Variants in IL15RA observed in about 807,000 individuals in gnomAD.
IL15RA encodes the protein interleukin 15 receptor subunit alpha, also known as interleukin-15 receptor subunit alpha.
Under a neutral mutation model 24.2 loss-of-function variants are expected in IL15RA, and 26 were observed. The observed-to-expected ratio is 1.07, with a 90% CI of 0.79 to 1.49. The LOEUF is 1.49. Ranked by LOEUF, IL15RA falls within the 40% of genes most tolerant of loss-of-function variation. The probability of loss-of-function intolerance (pLI) is 0.00; values close to 1 mark genes in which losing one functional copy is unlikely to be tolerated. For synonymous variants in IL15RA, 166 were observed against 157.6 expected, an observed-to-expected ratio of 1.05 and a Z score of -0.40; for missense variants, 354 against 356.4, an observed-to-expected ratio of 0.99 and a Z score of 0.05.
upstream of IL15RA, chr10:5,977,717 C>T: frequency 8.9e-7 from 1 of 1,121,376 alleles, no homozygotes; most frequent in South Asian, 4.1e-5. Flanking sequence ...CGCGGCACCG[C>T]ACAGCCACCC....
rs2132339298 is a variant in IL15RA at position 5,958,796 on chromosome 10, G to A, written c.616+958C>T. ...GGTAAAAATGACACCACAAAAATATGAGTCATTCTCTAGCAGAAAAATTTA... is the reference window on the plus strand; with the variant it reads ...GGTAAAAATGACACCACAAAAATATAAGTCATTCTCTAGCAGAAAAATTTA... On this transcript the variant is annotated intron_variant, in intron 5 of 6. Transcript: ENST00000379977. This position sits in a 1 kb window ranked among gnomAD's most constrained non-coding sequence, Gnocchi z 4.3. Among the ~76,000 whole-genome samples the A allele has an allele frequency of 6.6e-6, 1 of 152,316 alleles. No individual in the cohort carries two copies. The highest frequency in any genetic ancestry group is 2.4e-5 in the African/African-American group (1 of 41,566).
rs1230633746 is a variant in IL15RA, at chr10:5,953,723, A to G, written c.693-517T>C. On this transcript the variant is annotated intron_variant, in intron 6 of 6. Transcript: ENST00000379977. This position sits in a 1 kb window ranked among gnomAD's most constrained non-coding sequence, Gnocchi z 5.3. ...AACCAGAGTTGATCATCTTGAAAAA[A>G]GTGATTTAATATTCATGAAGCTTTT... The G allele has an allele frequency of 4.1e-6, 1 of 245,248 alleles. No homozygotes were observed. The allele number at this position is 245,248 out of a possible 1,614,324, so 15.2% of individuals were successfully genotyped here.
At chr10:5,969,829 A>G (rs918594798) in intron 1 of IL15RA, among the ~76,000 whole-genome samples, 1 of 152,086 alleles carries the variant, frequency 6.6e-6, no homozygotes, top group African/African-American at 2.4e-5. Context: ...GATTTATTTA[A>G]GAATTCTGCA....
At chr10:5,956,515 A>C in intron 5 of IL15RA, 61 bp from the exon 6 acceptor site, 1 of 1,234,170 alleles carries the variant, frequency 8.1e-7, no homozygotes, top group Admixed American at 1.8e-5. Flanking sequence ...CGAACCACAA[A>C]TTCTTTACCA....
chr10:5,974,943 T>C (rs1016205543), intron 1 of IL15RA, among the ~76,000 whole-genome samples: 24 of 150,864 alleles, frequency 1.6e-4, no homozygotes, highest in Non-Finnish European at 8.9e-5. Flanking sequence ...ATTAAACACC[T>C]GAGAGGTCAA....
At position 5,958,277 on chromosome 10, in the gene IL15RA, T is replaced by C. The variant is rs571160140; in HGVS notation, c.616+1477A>G. On this transcript the variant is annotated intron_variant, in intron 5 of 6. Coordinates refer to ENST00000379977, the MANE Select transcript of IL15RA (RefSeq NM_002189.4). This position sits in a 1 kb window ranked among gnomAD's most constrained non-coding sequence, Gnocchi z 4.3. ...AAAGAAGCAACTGTCCAGCATTCCT[T>C]ATCCTCTATATGTTTATTTATACAG... 1.0e-4 allele frequency: 47 copies of C among 453,194 alleles called. No individual in the cohort carries two copies. Among genetic ancestry groups the C allele is most frequent in the African/African-American group, 3.2e-4 (16 of 50,138 alleles). The allele number at this position is 453,194 out of a possible 1,614,324, so 28.1% of individuals were successfully genotyped here.
At position 5,953,451 on chromosome 10, in the gene IL15RA, C is replaced by A. The variant is rs2132247157; in HGVS notation, c.693-245G>T. 7.4e-6 allele frequency: 5 copies of A among 678,290 alleles called. No individual in the cohort carries two copies. The highest frequency in any genetic ancestry group is 2.7e-5 in the East Asian group (1 of 36,982). 42.0% of individuals were successfully genotyped at this position (678,290 alleles called of 1,614,324 possible). ...GGTGTGGTGGCGCATGCCTGTAATC[C>A]TAGCACTTTAGGAGGCTGTCGTGGG... On this transcript the variant is annotated intron_variant, in intron 6 of 6. Coordinates refer to ENST00000379977, the MANE Select transcript of IL15RA (RefSeq NM_002189.4). This position sits in a 1 kb window ranked among gnomAD's most constrained non-coding sequence, Gnocchi z 5.3.
intron 6 of IL15RA, among the ~76,000 whole-genome samples, chr10:5,954,206 C>G (rs1834201188): frequency 7.1e-6 from 1 of 140,286 alleles, no homozygotes; most frequent in African/African-American, 2.7e-5. Flanking sequence ...GGTTCTTGCT[C>G]TGTCTCCCAG....
rs8177664 is a variant in IL15RA, at chr10:5,971,342, T to A, written c.89-5003A>T. Among the ~76,000 whole-genome samples the A allele has an allele frequency of 0.1, 15,159 of 152,254 alleles. 947 individuals are homozygous for A. The highest frequency in any genetic ancestry group is 0.27 in the East Asian group (1,378 of 5,184). ...GCCAAAAAACATATACAACAAGTCCTAACGATCATTTAAATGAAGTCACCA... is the reference window on the plus strand; with the variant it reads ...GCCAAAAAACATATACAACAAGTCCAAACGATCATTTAAATGAAGTCACCA... On this transcript the variant is annotated intron_variant, in intron 1 of 6. Coordinates refer to ENST00000379977, the MANE Select transcript of IL15RA (RefSeq NM_002189.4). The surrounding 1 kb of genome is among the most constrained non-coding windows in gnomAD (Gnocchi z 5.5).
Position 5,973,933 on chromosome 10 carries a change from G to A in IL15RA, c.88+3472C>T, listed in dbSNP as rs978030283. Among the ~76,000 whole-genome samples, 6 of 151,802 alleles carry A rather than the reference G, an allele frequency of 4.0e-5. No homozygotes were observed. The East Asian group carries it at 9.7e-4, about 24-fold the overall frequency. On this transcript the variant is annotated intron_variant, in intron 1 of 6. Transcript: ENST00000379977. This position sits in a 1 kb window ranked among gnomAD's most constrained non-coding sequence, Gnocchi z 4.5. ...AAATCATATACCTGATTAGGGCCTCGTATCCAGAATATATAAAGAACTCTC... is the reference window on the plus strand; with the variant it reads ...AAATCATATACCTGATTAGGGCCTCATATCCAGAATATATAAAGAACTCTC...
In IL15RA at chr10:5,960,371, C is replaced by G. The variant is rs150566735; in HGVS notation, c.579G>C (p.Pro193=). 1.9e-6 allele frequency: 3 copies of G among 1,613,792 alleles called. No individual in the cohort carries two copies. In the South Asian group the frequency reaches 3.3e-5, roughly 18 times the overall value. The change falls in exon 4 of 7, where the codon CCG becomes CCC. Residue 193 remains proline (P), a synonymous_variant. Transcript: ENST00000379977. The surrounding 1 kb of genome is among the most constrained non-coding windows in gnomAD (Gnocchi z 5.1). The stretch of plus-strand genomic sequence containing the variant: ...TGGGGCAAAGCGAGTGCTAACCTGG[C>G]GGCTGGTGGGAGGCGGATGCTGTGA... The part of the protein sequence containing the change: ...WELTASASHQ[P]PGVYPQGHSD...
At position 5,960,658 on chromosome 10, in the gene IL15RA, G is replaced by A; in HGVS notation, c.383-91C>T. 2 of 1,071,270 alleles carry A rather than the reference G, an allele frequency of 1.9e-6. No individual in the cohort carries two copies. Among genetic ancestry groups the A allele is most frequent in the South Asian group, 2.8e-5 (2 of 72,544 alleles). The allele number at this position is 1,071,270 out of a possible 1,614,324, so 66.4% of individuals were successfully genotyped here. Reference sequence around the variant, plus strand: ...GGGGTGATGTGGGAGCTGCCATAGTGAGTCACCCTGACCAGCCCTCCCTCT... The same window carrying A: ...GGGGTGATGTGGGAGCTGCCATAGTAAGTCACCCTGACCAGCCCTCCCTCT... On this transcript the variant is annotated intron_variant, in intron 3 of 6. Coordinates refer to ENST00000379977, the MANE Select transcript of IL15RA (RefSeq NM_002189.4). The surrounding 1 kb of genome is among the most constrained non-coding windows in gnomAD (Gnocchi z 5.1).
In IL15RA at chr10:5,960,586, C is replaced by G; in HGVS notation, c.383-19G>C. The G allele has an allele frequency of 6.2e-7, 1 of 1,609,448 alleles. No individual in the cohort carries two copies. The highest frequency in any genetic ancestry group is 8.5e-7 in the Non-Finnish European group (1 of 1,176,846). ...GCGGGCTCTGTAGGAGAGTCCAAGG[C>G]AGGGACAACATCAGTGTGCAGACTC... is the stretch of plus-strand genomic sequence containing the variant. On this transcript the variant is annotated intron_variant, in intron 3 of 6. Transcript: ENST00000379977. This position sits in a 1 kb window ranked among gnomAD's most constrained non-coding sequence, Gnocchi z 5.1.
At chr10:5,951,328 C>T (rs1833864268), downstream of IL15RA, among the ~76,000 whole-genome samples, 1 of 150,950 alleles carries the variant, frequency 6.6e-6, no homozygotes. Context: ...GTCCCCTCCC[C>T]CACAAAAAAA....
intron 1 of IL15RA, among the ~76,000 whole-genome samples, chr10:5,974,826 G>T (rs910806094): frequency 1.3e-5 from 2 of 152,104 alleles, no homozygotes; most frequent in African/African-American, 4.8e-5. Flanking sequence ...TCAGTGAGCA[G>T]AGATGGAGCC....
At position 5,977,398 on chromosome 10, in the gene IL15RA, T is replaced by C; in HGVS notation, c.88+7A>G. 7.7e-7 allele frequency: 1 copy of C among 1,296,458 alleles called. No individual in the cohort carries two copies. The highest frequency in any genetic ancestry group is 2.0e-5 in the South Asian group (1 of 50,688). The allele number at this position is 1,296,458 out of a possible 1,614,324, so 80.3% of individuals were successfully genotyped here. ...CCGCCCGGGCGCCCCTGCTCCCAGC[T>C]CCCTACCCCGCGTCGCCGGCGGCCG... On this transcript the variant is annotated splice_region_variant and intron_variant, in intron 1 of 6. Coordinates refer to ENST00000379977, the MANE Select transcript of IL15RA (RefSeq NM_002189.4).
Position 5,960,685 on chromosome 10 carries a change from T to C in IL15RA, c.383-118A>G, listed in dbSNP as rs544185317. On this transcript the variant is annotated intron_variant, in intron 3 of 6. Transcript: ENST00000379977. This position sits in a 1 kb window ranked among gnomAD's most constrained non-coding sequence, Gnocchi z 5.1. ...GTCACCCTGACCAGCCCTCCCTCTCTCACAGCCAACTGCTCCTTGAGAGGG... is the reference window on the plus strand; with the variant it reads ...GTCACCCTGACCAGCCCTCCCTCTCCCACAGCCAACTGCTCCTTGAGAGGG... The C allele has an allele frequency of 3.7e-4, 295 of 806,596 alleles. 8 individuals carry two copies. In the South Asian group the frequency reaches 4.5e-3, roughly 12 times the overall value. 50.0% of individuals were successfully genotyped at this position (806,596 alleles called of 1,614,324 possible).
Position 5,959,820 on chromosome 10 carries a change from G to A in IL15RA, c.584-34C>T. ...AAGAGAGGACAGCATCACGGCTCGAGTCCTAGAGGTCCTAGTTCCTCATGA... is the reference window on the plus strand; with the variant it reads ...AAGAGAGGACAGCATCACGGCTCGAATCCTAGAGGTCCTAGTTCCTCATGA... On this transcript the variant is annotated intron_variant, in intron 4 of 6. Coordinates refer to ENST00000379977, the MANE Select transcript of IL15RA (RefSeq NM_002189.4). This position sits in a 1 kb window ranked among gnomAD's most constrained non-coding sequence, Gnocchi z 4.1. The A allele has an allele frequency of 1.2e-6, 2 of 1,607,342 alleles. No individual in the cohort carries two copies. Among genetic ancestry groups the A allele is most frequent in the African/African-American group, 1.3e-5 (1 of 74,912 alleles).
intron 1 of IL15RA, among the ~76,000 whole-genome samples, chr10:5,969,413 C>T (rs1472972976): frequency 1.3e-5 from 2 of 151,962 alleles, no homozygotes; most frequent in African/African-American, 4.8e-5. Context: ...CACTCTGTCT[C>T]CCAGCGGGGA....
Sources: allele counts gnomAD v4.1 joint callset (sites outside exome capture counted in the v4.1 genomes callset), GRCh38; gene constraint gnomAD v4.1.1; non-coding constraint Gnocchi (gnomAD v3.1); transcripts MANE v1.5; gene names NCBI Gene and HGNC (gene_info 2026-07-23, HGNC 2026-07-21).